Variants in COL6A2 observed in about 807,000 individuals in gnomAD.
COL6A2 encodes collagen type VI alpha 2 chain, also known as collagen alpha-2(VI) chain.
COL6A2 carries 90 observed loss-of-function variants against 124.9 expected under a neutral mutation model. The observed-to-expected ratio is 0.72, with a 90% CI of 0.61 to 0.86. The LOEUF is 0.86. Ranked by LOEUF, COL6A2 falls within the 40% of genes least tolerant of loss-of-function variation. COL6A2 has a pLI of 0.00. For missense variants in COL6A2, 1,607 were observed against 1,502.5 expected, an observed-to-expected ratio of 1.07 and a Z score of -1.15; for synonymous variants, 793 against 618.2, an observed-to-expected ratio of 1.28 and a Z score of -4.19.
Position 46,112,420 on chromosome 21 carries a change from G to A in COL6A2, c.557G>A (p.Arg186Gln), listed in dbSNP as rs376291264. ...GAGCGGGCCCGCGAGGAGGGCATCC[G>A]GCTCTTCGCCGTGGCCCCCAACCAG... ...QAERAREEGIRLFAVAPNQNL... is the reference protein window; with the variant it reads ...QAERAREEGIQLFAVAPNQNL... Residue 186 changes from arginine (R) to glutamine (Q), a missense_variant, in exon 3 of 28, where the codon CGG becomes CAG. Physicochemically the swap from Arg to Gln is conservative, Grantham distance 43 (BLOSUM62 1). Coordinates refer to ENST00000300527, the MANE Select transcript of COL6A2 (RefSeq NM_001849.4). The A allele has an allele frequency of 3.5e-5, 56 of 1,609,016 alleles. No individual in the cohort carries two copies. Among genetic ancestry groups the A allele is most frequent in the South Asian group, 1.4e-4 (13 of 90,980 alleles).
rs1256949462 is a variant in COL6A2 at position 46,124,885 on chromosome 21, G to C, written c.1735G>C (p.Gly579Arg). The change falls in exon 23 of 28, where the codon GGT becomes CGT. Residue 579 changes from glycine to arginine, a missense_variant and splice_region_variant. Physicochemically the swap from Gly to Arg is moderately radical, Grantham distance 125. This residue lies in a region of COL6A2 where 1,223 missense variants were observed against 1,052.2 expected (regional missense o/e 1.16). Transcript: ENST00000300527. ...RGPRGVPGPE[G>R]EPGPPGDPGL... ...CTCAGCCTCATCCTTCCTTCCCCAG[G>C]GTGAGCCCGGCCCCCCTGGAGACCC... The C allele has an allele frequency of 1.2e-6, 2 of 1,612,756 alleles. No homozygotes were observed. Among genetic ancestry groups the C allele is most frequent in the Non-Finnish European group, 1.7e-6 (2 of 1,179,996 alleles).
chr21:46,111,141 C>G (rs546950893), intron 1 of COL6A2, among the ~76,000 whole-genome samples: 49 of 152,222 alleles, frequency 3.2e-4, no homozygotes, highest in Non-Finnish European at 6.3e-4. Context: ...TCCATGCCGA[C>G]GCGCCCAGCT....
chr21:46,115,954 G>A (rs1391275151), intron 6 of COL6A2, 29 bp downstream of exon 6: 26 of 1,612,038 alleles, frequency 1.6e-5, no homozygotes, highest in East Asian at 1.1e-4. Context: ...CGCCCGCCCC[G>A]CCTGCAGCCC....
At chr21:46,105,630 A>G (rs1957698367) in intron 1 of COL6A2, among the ~76,000 whole-genome samples, 2 of 152,200 alleles carry the variant, frequency 1.3e-5, no homozygotes, top group African/African-American at 4.8e-5. Context: ...ATGCCATTGA[A>G]GCTAAACTGG....
chr21:46,112,455 G>A lies in COL6A2; in HGVS notation c.592G>A (p.Glu198Lys). The A allele has an allele frequency of 1.2e-6, 2 of 1,610,506 alleles. No individual in the cohort carries two copies. Among genetic ancestry groups the A allele is most frequent in the Non-Finnish European group, 1.7e-6 (2 of 1,179,708 alleles). ...FAVAPNQNLK[E>K]QGLRDIASTP... ...CGTGGCCCCCAACCAGAACCTGAAG[G>A]AGCAGGGCCTGCGGGACATCGCCAG... Residue 198 changes from glutamate (E) to lysine (K), a missense_variant, in exon 3 of 28, where the codon GAG (glutamate) becomes AAG (lysine). Around this residue, in one of 3 missense-constraint regions of COL6A2, gnomAD observed 342 missense variants for 381.5 expected, o/e 0.90. Transcript: ENST00000300527.
At chr21:46,121,461 C>T in intron 17 of COL6A2, 95 bp from the exon 18 acceptor site, 1 of 1,220,016 alleles carries the variant, frequency 8.2e-7, no homozygotes. Context: ...GGCCATGTGG[C>T]CTGGTGGTCA....
Position 46,111,491 on chromosome 21 carries a change from C to G in COL6A2, c.15C>G (p.Thr5=). 6.2e-7 allele frequency: 1 copy of G among 1,612,248 alleles called. No individual in the cohort carries two copies. Among genetic ancestry groups the G allele is most frequent in the Non-Finnish European group, 8.5e-7 (1 of 1,179,362 alleles). The change falls in exon 2 of 28, where the codon ACC becomes ACG. Residue 5 remains threonine (T), a synonymous_variant. Coordinates refer to ENST00000300527, the MANE Select transcript of COL6A2 (RefSeq NM_001849.4). The part of the protein sequence containing the change: MLQG[T]CSVLLLWGIL... Reference sequence around the variant, plus strand: ...GTGCTGCCAAGATGCTCCAGGGCACCTGCTCCGTGCTCCTGCTCTGGGGAA... The same window carrying G: ...GTGCTGCCAAGATGCTCCAGGGCACGTGCTCCGTGCTCCTGCTCTGGGGAA...
chr21:46,102,089 G>T (rs554587196), intron 1 of COL6A2, among the ~76,000 whole-genome samples: 2 of 151,870 alleles, frequency 1.3e-5, no homozygotes, highest in East Asian at 3.9e-4. Flanking sequence ...GAAATGTTTT[G>T]TAGTTCTCAT....
At chr21:46,101,181 T>C (rs2123590528) in intron 1 of COL6A2, among the ~76,000 whole-genome samples, 1 of 152,350 alleles carries the variant, frequency 6.6e-6, no homozygotes, top group East Asian at 1.9e-4. Flanking sequence ...CATCTTTTCA[T>C]GTGCTTGTTG....
chr21:46,120,400 G>A lies in COL6A2; in HGVS notation c.1333-115G>A, dbSNP rs535213057. 1.4e-4 allele frequency: 108 copies of A among 777,898 alleles called. No homozygotes were observed. The African/African-American group carries it at 1.6e-3, about 12-fold the overall frequency. The allele number at this position is 777,898 out of a possible 1,614,324, so 48.2% of individuals were successfully genotyped here. A position where few individuals can be genotyped will look rare whatever the true frequency, so the allele number is the denominator to read the frequency against. The stretch of plus-strand genomic sequence containing the variant: ...CTGTTGCAGGTCCCCCGGGACAGAC[G>A]GGGTTCTTCCTCCCAGGCCCCCTTC... On this transcript the variant is annotated intron_variant, in intron 15 of 27. Transcript: ENST00000300527.
chr21:46,117,187 A>G (rs1414538731), intron 10 of COL6A2, among the ~76,000 whole-genome samples: 1 of 152,188 alleles, frequency 6.6e-6, no homozygotes, highest in Non-Finnish European at 1.5e-5. Context: ...GGCCTCTGGG[A>G]GGCAGCCAGG....
At position 46,117,959 on chromosome 21, in the gene COL6A2, G is replaced by A. The variant is rs760771257; in HGVS notation, c.1116+23G>A. The A allele has an allele frequency of 1.3e-4, 210 of 1,602,400 alleles. 2 individuals carry two copies. The South Asian group carries it at 2.1e-3, about 16-fold the overall frequency. On this transcript the variant is annotated intron_variant, in intron 12 of 27. Transcript: ENST00000300527. ...AAGGTAAGTGGCCTTGTCAGGGTAC[G>A]GGGCAGGCGGGGTCACCAGCTTCCA...
intron 1 of COL6A2, among the ~76,000 whole-genome samples, chr21:46,106,269 C>T (rs1016244546): frequency 2.0e-5 from 3 of 152,204 alleles, no homozygotes; most frequent in African/African-American, 7.2e-5. Flanking sequence ...TCTCAGTCTG[C>T]TTCCAGTCTG....
chr21:46,126,483 G>GCCTC lies in COL6A2; in HGVS notation c.2423-19_2423-16dup. 1 of 1,613,134 alleles carries GCCTC rather than the reference G, an allele frequency of 6.2e-7. No homozygotes were observed. The highest frequency in any genetic ancestry group is 8.5e-7 in the Non-Finnish European group (1 of 1,179,614). On this transcript the variant is annotated intron_variant, in intron 26 of 27. Coordinates refer to ENST00000300527, the MANE Select transcript of COL6A2 (RefSeq NM_001849.4). Reference sequence around the variant, plus strand: ...TAGGGACTGACCCTGGCCTGGCCCGGCCTCTCTCCTCTCTTCCAGACCCTC... The same window carrying GCCTC: ...TAGGGACTGACCCTGGCCTGGCCCGGCCTCCCTCTCTCCTCTCTTCCAGACCCTC...
chr21:46,108,647 T>C (rs1280492949), intron 1 of COL6A2, among the ~76,000 whole-genome samples: 1 of 152,234 alleles, frequency 6.6e-6, no homozygotes, highest in Admixed American at 6.5e-5. Flanking sequence ...TTGCATATTT[T>C]TTCCCATTTT....
rs1253292684 is a variant in COL6A2, at chr21:46,124,926, T to C, written c.1770+6T>C. ...CTGGAGACCCCGGTCTCACGGTAGG[T>C]GTCACATGGGGCAGAACCAGTGTCC... On this transcript the variant is annotated splice_donor_region_variant and intron_variant, in intron 23 of 27. Coordinates refer to ENST00000300527, the MANE Select transcript of COL6A2 (RefSeq NM_001849.4). 6.2e-7 allele frequency: 1 copy of C among 1,612,522 alleles called. No homozygotes were observed. Among genetic ancestry groups the C allele is most frequent in the African/African-American group, 1.3e-5 (1 of 74,924 alleles).
rs1301370357 is a variant in COL6A2, at chr21:46,117,453, G to T, written c.1053G>T (p.Arg351=). The T allele has an allele frequency of 6.2e-7, 1 of 1,612,674 alleles. No homozygotes were observed. Among genetic ancestry groups the T allele is most frequent in the South Asian group, 1.1e-5 (1 of 91,078 alleles). ...GCTGCAAGGGAGACCCTGGAAACCG[G>T]GTAAGGGCCGTTTGCACCCCTCCTT... is the stretch of plus-strand genomic sequence containing the variant. The part of the protein sequence containing the change: ...PPGCKGDPGN[R]GPDGYPGEAG... The change falls in exon 11 of 28, where the codon CGG becomes CGT. Residue 351 remains arginine (R), a splice_region_variant and synonymous_variant. Coordinates refer to ENST00000300527, the MANE Select transcript of COL6A2 (RefSeq NM_001849.4).
intron 19 of COL6A2, 79 bp from the exon 20 acceptor site, chr21:46,122,417 G>C: frequency 1.3e-6 from 2 of 1,580,402 alleles, no homozygotes; most frequent in African/African-American, 2.7e-5. Context: ...GGGAAACGGG[G>C]CTGCAGAAAG....
intron 22 of COL6A2, 34 bp from the exon 23 acceptor site, chr21:46,124,850 GC>G: frequency 6.2e-7 from 1 of 1,612,706 alleles, no homozygotes; most frequent in Non-Finnish European, 8.5e-7. Context: ...CCCAGCCTTG[GC>G]CCCAGAGTCT....
Sources: gnomAD v4.1 joint callset for allele counts (sites outside exome capture counted in the v4.1 genomes callset) on GRCh38, gnomAD v4.1.1 for gene constraint, gnomAD v4.1.1 regional missense constraint, MANE v1.5 for transcripts, NCBI Gene and HGNC (gene_info 2026-07-23, HGNC 2026-07-21) for gene names.